Variants in TFEC observed in about 807,000 individuals in gnomAD.
TFEC encodes the protein class E basic helix-loop-helix protein 34.
A neutral mutation model predicts 41.6 loss-of-function variants in TFEC; 31 were observed. The observed-to-expected ratio is 0.74, with a 90% confidence interval of 0.56 to 1.01. The LOEUF (loss-of-function observed/expected upper bound fraction) is 1.01, where lower values mean the gene tolerates loss of function less well. Among genes scored for constraint, TFEC ranks in the 50% least tolerant of loss-of-function variants. The pLI, the probability that TFEC is intolerant of heterozygous loss-of-function variation, is 0.00. For synonymous variants in TFEC, 143 were observed against 140.6 expected (o/e 1.02, Z -0.12); for missense variants, 402 against 404.1 (o/e 0.99, Z 0.04).
chr7:116,116,193 G>T (rs542442526), intron 1 of TFEC, among the ~76,000 whole-genome samples: 2 of 151,654 alleles, frequency 1.3e-5, no homozygotes, highest in African/African-American at 2.4e-5. Flanking sequence ...TAGAGACATC[G>T]ACCAAAAAAA....
At chr7:116,028,535 A>C (rs1373562397) in intron 1 of TFEC, among the ~76,000 whole-genome samples, 1 of 152,204 alleles carries the variant, frequency 6.6e-6, no homozygotes, top group African/African-American at 2.4e-5. Flanking sequence ...TCTGTGCAGG[A>C]ACCATGCTTT....
At chr7:116,145,865 A>G (rs1180626218) in intron 1 of TFEC, among the ~76,000 whole-genome samples, 2 of 152,324 alleles carry the variant, frequency 1.3e-5, no homozygotes, top group African/African-American at 4.8e-5. Flanking sequence ...ATAACAACCA[A>G]TAAAGTAAGA....
At chr7:116,021,885 T>A (rs1414342425) in intron 1 of TFEC, among the ~76,000 whole-genome samples, 1 of 152,210 alleles carries the variant, frequency 6.6e-6, no homozygotes, top group Non-Finnish European at 1.5e-5. Context: ...TGAAGGGAGC[T>A]TTATTAAGTC....
chr7:116,064,260 G>A (rs1488866324), intron 3 of TFEC, among the ~76,000 whole-genome samples: 1 of 151,562 alleles, frequency 6.6e-6, no homozygotes, highest in Non-Finnish European at 1.5e-5. Context: ...TTTGAGGTAA[G>A]GCATATTTAA....
rs73448535 is a variant in TFEC, at chr7:116,154,343, A to C, written c.-69+5447T>G. ...TATCTCCATTCCTCACTTTCTTCAGATGGAGGCTTTACTATCTCCTGGTAT... is the reference window on the plus strand; with the variant it reads ...TATCTCCATTCCTCACTTTCTTCAGCTGGAGGCTTTACTATCTCCTGGTAT... On this transcript the variant is annotated intron_variant, in intron 1 of 8. Transcript: ENST00000484212. Among the ~76,000 whole-genome samples, 458 of 152,244 alleles carry C rather than the reference A, an allele frequency of 3.0e-3. 4 individuals carry two copies. The highest frequency in any genetic ancestry group is 0.011 in the African/African-American group (443 of 41,548).
intron 3 of TFEC, among the ~76,000 whole-genome samples, chr7:116,072,865 T>C (rs1796862451): frequency 6.6e-6 from 1 of 151,660 alleles, no homozygotes; most frequent in South Asian, 2.1e-4. Context: ...TGATACTTAA[T>C]GATGAAAAAC....
intron 3 of TFEC, among the ~76,000 whole-genome samples, chr7:115,963,463 G>C (rs1443437978): frequency 6.6e-6 from 1 of 151,510 alleles, no homozygotes; most frequent in Non-Finnish European, 1.5e-5. Context: ...TGAAAGCAGG[G>C]ACTTAAACAG....
chr7:116,004,423 G>A (rs541797602), intron 1 of TFEC, among the ~76,000 whole-genome samples: 97 of 152,264 alleles, frequency 6.4e-4, no homozygotes, highest in Non-Finnish European at 1.2e-3. Flanking sequence ...ACAATGCCAA[G>A]AGTGACCTCT....
intron 3 of TFEC, among the ~76,000 whole-genome samples, chr7:116,093,006 A>G (rs916490078): frequency 6.6e-6 from 1 of 152,200 alleles, no homozygotes; most frequent in Non-Finnish European, 1.5e-5. Context: ...GCATAGATTA[A>G]TAATTTTTTA....
At chr7:115,947,193 A>G (rs1791636856) in intron 6 of TFEC, among the ~76,000 whole-genome samples, 1 of 150,684 alleles carries the variant, frequency 6.6e-6, no homozygotes, top group Non-Finnish European at 1.5e-5. Flanking sequence ...TTCTTGTGAT[A>G]GTTTACTGAG....
rs1584607258 is a variant in TFEC at position 115,968,125 on chromosome 7, C to G, written c.267+6045G>C. 4 of 1,462,302 alleles carry G rather than the reference C, an allele frequency of 2.7e-6. No individual in the cohort carries two copies. In the East Asian group the frequency reaches 1.0e-4, roughly 36 times the overall value. 90.6% of individuals were successfully genotyped at this position (1,462,302 alleles called of 1,614,324 possible). ...ACTATAAGTTTATAAAGTTTAAATT[C>G]AGTATTTAAGGTGGTTTCATCTCCA... On this transcript the variant is annotated intron_variant, in intron 3 of 7. Transcript: ENST00000265440.
chr7:116,155,375 G>A (rs1253939999), intron 1 of TFEC, among the ~76,000 whole-genome samples: 1 of 152,138 alleles, frequency 6.6e-6, no homozygotes, highest in African/African-American at 2.4e-5. Context: ...TTTACAAAAG[G>A]CAATTTCTCG....
chr7:115,978,636 T>A (rs1793491148), intron 2 of TFEC, among the ~76,000 whole-genome samples: 1 of 152,196 alleles, frequency 6.6e-6, no homozygotes, highest in Non-Finnish European at 1.5e-5. Flanking sequence ...TAGAATGGCT[T>A]CTGCTCACCA....
chr7:115,947,642 G>A (rs1014435101), intron 6 of TFEC, among the ~76,000 whole-genome samples: 6 of 151,316 alleles, frequency 4.0e-5, no homozygotes, highest in Admixed American at 1.3e-4. Flanking sequence ...TCTCATTGTG[G>A]TTTTGATTTG....
intron 1 of TFEC, among the ~76,000 whole-genome samples, chr7:116,021,124 T>C (rs1027539153): frequency 3.3e-5 from 5 of 152,172 alleles, no homozygotes; most frequent in Non-Finnish European, 7.4e-5. Flanking sequence ...ACATAAGAAT[T>C]GATATATAAA....
upstream of TFEC, among the ~76,000 whole-genome samples, chr7:116,031,726 T>C (rs1795788796): frequency 6.6e-6 from 1 of 152,172 alleles, no homozygotes; most frequent in African/African-American, 2.4e-5. Context: ...GTGGAGATTA[T>C]ATGAAAATAT....
chr7:116,035,322 C>T (rs920983976), upstream of TFEC, among the ~76,000 whole-genome samples: 1 of 151,990 alleles, frequency 6.6e-6, no homozygotes, highest in Non-Finnish European at 1.5e-5. Context: ...CCCTGCAGGA[C>T]GCTCCTCTCT....
At chr7:116,012,285 C>T (rs899771080) in intron 1 of TFEC, among the ~76,000 whole-genome samples, 1 of 152,050 alleles carries the variant, frequency 6.6e-6, no homozygotes, top group Non-Finnish European at 1.5e-5. Flanking sequence ...AAGCAAAAGA[C>T]ATTTTGCTTC....
chr7:116,057,471 A>G (rs998424644), intron 3 of TFEC, among the ~76,000 whole-genome samples: 9 of 152,002 alleles, frequency 5.9e-5, no homozygotes, highest in African/African-American at 2.2e-4. Flanking sequence ...GAAACATAAA[A>G]AATCGGAAAG....
Sources: allele counts gnomAD v4.1 joint callset (sites outside exome capture counted in the v4.1 genomes callset), GRCh38; gene constraint gnomAD v4.1.1; transcripts MANE v1.5; gene names NCBI Gene and HGNC (gene_info 2026-07-23, HGNC 2026-07-21).